SLC10A7: variants seen among roughly 807,000 people sequenced by gnomAD.
SLC10A7 encodes the protein sodium/bile acid cotransporter 7.
In SLC10A7, 29 loss-of-function variants were observed where a neutral mutation model predicts 43.2. The observed-to-expected ratio is 0.67, with a 90% confidence interval of 0.50 to 0.92. The LOEUF (loss-of-function observed/expected upper bound fraction) is 0.92. SLC10A7 is among the 40% of genes least tolerant of loss of function. SLC10A7 has a pLI of 0.00. For missense variants in SLC10A7, 295 were observed against 403.2 expected (o/e 0.73, Z 2.30); for synonymous variants, 152 against 144.8 (o/e 1.05, Z -0.35).
chr4:146,389,301 C>T (rs1186092593), intron 5 of SLC10A7, among the ~76,000 whole-genome samples: 1 of 135,094 alleles, frequency 7.4e-6, no homozygotes, highest in Non-Finnish European at 1.5e-5. Context: ...ATTTGTGTCC[C>T]CTAAGTCTAC....
chr4:146,323,097 C>A (rs867106269), intron 6 of SLC10A7, among the ~76,000 whole-genome samples: 29 of 152,146 alleles, frequency 1.9e-4, no homozygotes, highest in Middle Eastern at 3.4e-3. Flanking sequence ...GTTTGAGTTC[C>A]TTGTAGATTC....
At chr4:146,301,904 A>T (rs1731186404) in intron 7 of SLC10A7, among the ~76,000 whole-genome samples, 1 of 152,230 alleles carries the variant, frequency 6.6e-6, no homozygotes. Context: ...TTAAGAAAAA[A>T]AAAGCTACCT....
intron 5 of SLC10A7, among the ~76,000 whole-genome samples, chr4:146,365,392 A>G (rs888625630): frequency 1.6e-4 from 24 of 152,234 alleles, no homozygotes; most frequent in Non-Finnish European, 3.5e-4. Context: ...TAGATACTAC[A>G]TCAGAGTATT....
chr4:146,374,553 C>T (rs2149783244), intron 5 of SLC10A7, among the ~76,000 whole-genome samples: 1 of 151,546 alleles, frequency 6.6e-6, no homozygotes, highest in South Asian at 2.1e-4. Flanking sequence ...TACACTACTG[C>T]ACTCTAGCCT....
intron 5 of SLC10A7, among the ~76,000 whole-genome samples, chr4:146,398,620 T>C (rs1739002716): frequency 6.6e-6 from 1 of 152,236 alleles, no homozygotes; most frequent in Non-Finnish European, 1.5e-5. Context: ...GGAATTACTA[T>C]TCTTCAGAAA....
rs546361732 is a variant in SLC10A7 at position 146,346,392 on chromosome 4, C to G, written c.436-20396G>C. ...TATTTTCTGAAGGTATGAGGGCAGCCCAAGAAACAATGACAAAAACAATGT... is the reference window on the plus strand; with the variant it reads ...TATTTTCTGAAGGTATGAGGGCAGCGCAAGAAACAATGACAAAAACAATGT... On this transcript the variant is annotated intron_variant, in intron 5 of 11. Coordinates refer to ENST00000335472, the MANE Select transcript of SLC10A7 (RefSeq NM_001029998.6). 2.0e-5 allele frequency among the ~76,000 whole-genome samples: 3 copies of G among 151,986 alleles called. No homozygotes were observed. The South Asian group carries it at 6.2e-4, about 32-fold the overall frequency.
At chr4:146,484,358 AT>A (rs920701688) in intron 4 of SLC10A7, among the ~76,000 whole-genome samples, 5 of 152,044 alleles carry the variant, frequency 3.3e-5, no homozygotes, top group Middle Eastern at 3.2e-3. Context: ...TGTCTCTAAA[AT>A]TTTTTTTAAG....
intron 6 of SLC10A7, among the ~76,000 whole-genome samples, chr4:146,306,976 A>C (rs1032889639): frequency 6.6e-6 from 1 of 152,156 alleles, no homozygotes; most frequent in African/African-American, 2.4e-5. Context: ...TCTTTTGGAA[A>C]ACAATTTTTG....
At chr4:146,422,869 A>G (rs977870180) in intron 5 of SLC10A7, among the ~76,000 whole-genome samples, 3 of 152,076 alleles carry the variant, frequency 2.0e-5, no homozygotes, top group African/African-American at 7.2e-5. Context: ...AGGTCTTCCC[A>G]ACCGCCCATA....
In SLC10A7 at chr4:146,290,596, A is replaced by G. The variant is rs545874430; in HGVS notation, c.773+2333T>C. 1.0e-3 allele frequency among the ~76,000 whole-genome samples: 153 copies of G among 152,268 alleles called. 5 individuals are homozygous for G. In the South Asian group the frequency reaches 0.031, roughly 31 times the overall value. Reference sequence around the variant, plus strand: ...TGACAGATGCTAGTTGCGGTGAATCATGCCTATAGTCCCAGCACTTTGGGG... The same window carrying G: ...TGACAGATGCTAGTTGCGGTGAATCGTGCCTATAGTCCCAGCACTTTGGGG... On this transcript the variant is annotated intron_variant, in intron 9 of 11. Transcript: ENST00000335472.
At chr4:146,378,440 C>T (rs573273468) in intron 5 of SLC10A7, among the ~76,000 whole-genome samples, 1 of 152,150 alleles carries the variant, frequency 6.6e-6, no homozygotes, top group Non-Finnish European at 1.5e-5. Context: ...GATCAAACCA[C>T]AGTTTGAAGA....
intron 4 of SLC10A7, among the ~76,000 whole-genome samples, chr4:146,473,577 G>T (rs1733774880): frequency 6.6e-6 from 1 of 151,954 alleles, no homozygotes; most frequent in African/African-American, 2.4e-5. Context: ...CCCTTAAAAA[G>T]GTTGCAAAGA....
chr4:146,448,821 A>G (rs1731335029), intron 4 of SLC10A7, among the ~76,000 whole-genome samples: 1 of 152,240 alleles, frequency 6.6e-6, no homozygotes, highest in African/African-American at 2.4e-5. Flanking sequence ...GATGCCAGAC[A>G]CATACCTTGG....
intron 5 of SLC10A7, among the ~76,000 whole-genome samples, chr4:146,404,193 AT>A (rs1227365271): frequency 6.6e-6 from 1 of 151,838 alleles, no homozygotes; most frequent in Admixed American, 6.6e-5. Flanking sequence ...TTTGTTTTTA[AT>A]TTTTTTGTAA....
chr4:146,446,778 A>ATCTG, intron 4 of SLC10A7, among the ~76,000 whole-genome samples: 1 of 151,866 alleles, frequency 6.6e-6, no homozygotes, highest in East Asian at 1.9e-4. Flanking sequence ...CTATCTATCT[A>ATCTG]TCTATCTATC....
intron 4 of SLC10A7, among the ~76,000 whole-genome samples, chr4:146,473,703 A>C (rs1278572646): frequency 6.6e-6 from 1 of 152,130 alleles, no homozygotes; most frequent in African/African-American, 2.4e-5. Flanking sequence ...ATTTTCTACT[A>C]ATCAAGTATT....
At chr4:146,437,213 A>C (rs1301006643) in intron 5 of SLC10A7, among the ~76,000 whole-genome samples, 1 of 152,052 alleles carries the variant, frequency 6.6e-6, no homozygotes, top group Non-Finnish European at 1.5e-5. Context: ...TTTAAAACAG[A>C]AGTAGTCTGT....
chr4:146,429,557 C>T (rs1729620118), intron 5 of SLC10A7, among the ~76,000 whole-genome samples: 3 of 151,708 alleles, frequency 2.0e-5, no homozygotes, highest in Admixed American at 6.6e-5. Flanking sequence ...AAATTATATA[C>T]TATGTTGGAA....
At chr4:146,489,863 T>G (rs1735237230) in intron 4 of SLC10A7, among the ~76,000 whole-genome samples, 1 of 152,168 alleles carries the variant, frequency 6.6e-6, no homozygotes. Context: ...CCTTCTCTAT[T>G]GGTCCCTTTA....
Sources: gnomAD v4.1 joint callset for allele counts (sites outside exome capture counted in the v4.1 genomes callset) on GRCh38, gnomAD v4.1.1 for gene constraint, MANE v1.5 for transcripts, NCBI Gene and HGNC (gene_info 2026-07-23, HGNC 2026-07-21) for gene names.